The following NYNRIN variants were observed in gnomAD, a reference collection of about 807,000 sequenced individuals.
NYNRIN encodes protein NYNRIN.
A neutral mutation model predicts 146.6 loss-of-function variants in NYNRIN; 86 were observed. The observed-to-expected ratio is 0.59, with a 90% CI of 0.49 to 0.70. The LOEUF is 0.70. Among genes scored for constraint, NYNRIN ranks in the 30% least tolerant of loss-of-function variants. The pLI, the probability that NYNRIN is intolerant of heterozygous loss-of-function variation, is 0.00. For synonymous variants in NYNRIN, 1,027 were observed against 1,001.3 expected (o/e 1.03, Z -0.48); for missense variants, 2,191 against 2,377.7 (o/e 0.92, Z 1.63).
chr14:24,408,864 G>C lies in NYNRIN; in HGVS notation c.1070G>C (p.Gly357Ala). ...WKAWTPGPAF[G>A]PLWPGAIAAT... Reference sequence around the variant, plus strand: ...GCCTGGACCCCGGGGCCAGCCTTTGGGCCATTGTGGCCGGGGGCTATTGCT... The same window carrying C: ...GCCTGGACCCCGGGGCCAGCCTTTGCGCCATTGTGGCCGGGGGCTATTGCT... Residue 357 changes from glycine to alanine, a missense_variant, in exon 4 of 9, where the codon GGG (glycine) becomes GCG (alanine). This residue lies in a region of NYNRIN where 895 missense variants were observed against 941.2 expected (regional missense o/e 0.95). Coordinates refer to ENST00000382554, the MANE Select transcript of NYNRIN (RefSeq NM_025081.3). The C allele has an allele frequency of 1.2e-6, 2 of 1,614,028 alleles. No individual in the cohort carries two copies. The highest frequency in any genetic ancestry group is 2.7e-5 in the African/African-American group (2 of 75,076).
In NYNRIN at chr14:24,408,088, C is replaced by A; in HGVS notation, c.418C>A (p.Arg140=). The A allele has an allele frequency of 6.2e-7, 1 of 1,613,154 alleles. No homozygotes were observed. Among genetic ancestry groups the A allele is most frequent in the Non-Finnish European group, 8.5e-7 (1 of 1,179,730 alleles). Residue 140 remains arginine (R), a synonymous_variant, in exon 3 of 9, where the codon CGA becomes AGA. Coordinates refer to ENST00000382554, the MANE Select transcript of NYNRIN (RefSeq NM_025081.3). ...TQNWLEELVG[R]LRWGPAPLLT... ...GAACTGGCTGGAGGAGCTGGTGGGGCGACTGCGCTGGGGCCCTGCCCCTCT... is the reference window on the plus strand; with the variant it reads ...GAACTGGCTGGAGGAGCTGGTGGGGAGACTGCGCTGGGGCCCTGCCCCTCT...
At chr14:24,412,831 T>G in intron 6 of NYNRIN, 166 bp from the exon 7 acceptor site, 3 of 549,640 alleles carry the variant, frequency 5.5e-6, no homozygotes, top group Non-Finnish European at 9.8e-6. Context: ...CTCACATGGC[T>G]GCATAGAGAA....
In NYNRIN at chr14:24,399,441, C is replaced by G. The variant is rs754194594; in HGVS notation, c.195C>G (p.Ala65=). 36 of 1,609,138 alleles carry G rather than the reference C, an allele frequency of 2.2e-5. 1 individual carries two copies. The South Asian group carries it at 4.0e-4, about 18-fold the overall frequency. Residue 65 remains alanine, a synonymous_variant, in exon 2 of 9, where the codon GCC becomes GCG. Coordinates refer to ENST00000382554, the MANE Select transcript of NYNRIN (RefSeq NM_025081.3). ...LEGPRENMGK[A]KEYLKGLCSP... ...GGCCCCGAGAGAACATGGGCAAAGC[C>G]AAGGTAAACAGCTTCTCCCCACCCC...
intron 2 of NYNRIN, 130 bp downstream of exon 2, chr14:24,399,574 C>A: frequency 1.2e-6 from 1 of 802,778 alleles, no homozygotes; most frequent in Non-Finnish European, 2.0e-6. Flanking sequence ...GTGTGGCAGG[C>A]AGGTAGTGGG....
In NYNRIN at chr14:24,418,978, C is replaced by T. The variant is rs2042966717; in HGVS notation, c.*1532C>T. 1 of 152,256 alleles carries T rather than the reference C, an allele frequency of 6.6e-6. No homozygotes were observed. Among genetic ancestry groups the T allele is most frequent in the Non-Finnish European group, 1.5e-5 (1 of 68,050 alleles). 9.4% of individuals were successfully genotyped at this position (152,256 alleles called of 1,614,324 possible). ...ACCCACATTCTCTCCAACTCTTCAT[C>T]TCCCTGATCTTCCAGACAAACTACC... On this transcript the variant is annotated 3_prime_UTR_variant, in exon 9 of 9. Transcript: ENST00000382554.
intron 2 of NYNRIN, among the ~76,000 whole-genome samples, chr14:24,401,084 G>A (rs987531062): frequency 7.2e-5 from 11 of 152,226 alleles, no homozygotes; most frequent in African/African-American, 1.4e-4. Context: ...CCACTGTGCC[G>A]GGCCAGGACT....
At chr14:24,407,114 C>T (rs1331613252) in intron 2 of NYNRIN, among the ~76,000 whole-genome samples, 6 of 152,216 alleles carry the variant, frequency 3.9e-5, no homozygotes, top group South Asian at 2.1e-4. Flanking sequence ...GGATGAAGCT[C>T]GAGTCTCACA....
chr14:24,415,397 C>G lies in NYNRIN; in HGVS notation c.3648C>G (p.Leu1216=), dbSNP rs2042937935. 1 of 1,613,868 alleles carries G rather than the reference C, an allele frequency of 6.2e-7. No homozygotes were observed. The highest frequency in any genetic ancestry group is 1.7e-5 in the Admixed American group (1 of 60,010). Residue 1216 remains leucine, a synonymous_variant, in exon 9 of 9, where the codon CTC becomes CTG. Coordinates refer to ENST00000382554, the MANE Select transcript of NYNRIN (RefSeq NM_025081.3). ...GCCCCTATGCTGTGGCCTGGGCCCT[C>G]AAGCATTTTTCCCGCTGCATTGGAG... The part of the protein sequence containing the change: ...GDSPYAVAWA[L]KHFSRCIGDT...
At chr14:24,399,199 C>G (rs1594735550) in intron 1 of NYNRIN, 31 bp from the exon 2 acceptor site, 2 of 1,579,786 alleles carry the variant, frequency 1.3e-6, no homozygotes, top group South Asian at 1.1e-5. Context: ...GCCCCGAGAC[C>G]CGGGTGACAC....
At position 24,416,266 on chromosome 14, in the gene NYNRIN, C is replaced by T. The variant is rs367917534; in HGVS notation, c.4517C>T (p.Pro1506Leu). Residue 1506 changes from proline to leucine, a missense_variant, in exon 9 of 9, where the codon CCG becomes CTG. Transcript: ENST00000382554. ...QAGQKLSGSS[P>L]FSSAFNSLSL... Reference sequence around the variant, plus strand: ...GGGCAGAAACTGTCTGGCTCCTCACCGTTTAGTTCTGCCTTTAACTCACTC... The same window carrying T: ...GGGCAGAAACTGTCTGGCTCCTCACTGTTTAGTTCTGCCTTTAACTCACTC... The T allele has an allele frequency of 4.5e-5, 73 of 1,613,738 alleles. No individual in the cohort carries two copies. Among genetic ancestry groups the T allele is most frequent in the Middle Eastern group, 1.6e-4 (1 of 6,084 alleles).
chr14:24,408,123 C>T lies in NYNRIN; in HGVS notation c.453C>T (p.Pro151=). 3 of 1,610,318 alleles carry T rather than the reference C, an allele frequency of 1.9e-6. No individual in the cohort carries two copies. Among genetic ancestry groups the T allele is most frequent in the Non-Finnish European group, 2.5e-6 (3 of 1,179,030 alleles). The change falls in exon 3 of 9, where the codon CCC becomes CCT. Residue 151 remains proline (P), a synonymous_variant. Coordinates refer to ENST00000382554, the MANE Select transcript of NYNRIN (RefSeq NM_025081.3). The part of the protein sequence containing the change: ...LRWGPAPLLT[P]RGIWEAEVTR... ...GGGGCCCTGCCCCTCTGCTGACCCC[C>T]CGGGGGATCTGGGAGGCTGAGGTGA... is the stretch of plus-strand genomic sequence containing the variant.
Position 24,415,418 on chromosome 14 carries a change from T to C in NYNRIN, c.3669T>C (p.Ile1223=). Residue 1223 remains isoleucine (I), a synonymous_variant, in exon 9 of 9, where the codon ATT becomes ATC. Transcript: ENST00000382554. ...AWALKHFSRC[I]GDTPVVLDLS... ...CCCTCAAGCATTTTTCCCGCTGCAT[T>C]GGAGACACCCCGGTGGTCCTGGACC... 1 of 1,613,948 alleles carries C rather than the reference T, an allele frequency of 6.2e-7. No homozygotes were observed.
chr14:24,411,340 C>G lies in NYNRIN; in HGVS notation c.2546-14C>G. 6.2e-7 allele frequency: 1 copy of G among 1,613,690 alleles called. No homozygotes were observed. The highest frequency in any genetic ancestry group is 8.5e-7 in the Non-Finnish European group (1 of 1,179,620). ...CTCCCTTGACCATTTCTGTCTTCTGCCTTTCACCCCCAGAGAGCCACTTTC... is the reference window on the plus strand; with the variant it reads ...CTCCCTTGACCATTTCTGTCTTCTGGCTTTCACCCCCAGAGAGCCACTTTC... On this transcript the variant is annotated splice_polypyrimidine_tract_variant and intron_variant, in intron 5 of 8. Transcript: ENST00000382554. This position sits in a 1 kb window ranked among gnomAD's most constrained non-coding sequence, Gnocchi z 4.3.
chr14:24,408,114 G>C lies in NYNRIN; in HGVS notation c.444G>C (p.Leu148=), dbSNP rs759743860. The change falls in exon 3 of 9, where the codon CTG becomes CTC. Residue 148 remains leucine, a synonymous_variant. Coordinates refer to ENST00000382554, the MANE Select transcript of NYNRIN (RefSeq NM_025081.3). ...VGRLRWGPAP[L]LTPRGIWEAE... ...GACTGCGCTGGGGCCCTGCCCCTCT[G>C]CTGACCCCCCGGGGGATCTGGGAGG... is the stretch of plus-strand genomic sequence containing the variant. 3.7e-6 allele frequency: 6 copies of C among 1,611,450 alleles called. No homozygotes were observed. In the South Asian group the frequency reaches 5.5e-5, roughly 15 times the overall value.
Position 24,409,841 on chromosome 14 carries a change from G to A in NYNRIN, c.2047G>A (p.Ala683Thr). ...RVSRAPKTPA[A>T]QKVPTDAGPT... Reference sequence around the variant, plus strand: ...CTCCAGAGCTCCCAAAACACCTGCAGCTCAGAAGGTGCCCACGGATGCAGG... The same window carrying A: ...CTCCAGAGCTCCCAAAACACCTGCAACTCAGAAGGTGCCCACGGATGCAGG... The change falls in exon 4 of 9, where the codon GCT becomes ACT. Residue 683 changes from alanine (A) to threonine (T), a missense_variant. Ala to Thr is a moderately conservative substitution (Grantham distance 58, BLOSUM62 0). Around this residue, in one of 3 missense-constraint regions of NYNRIN, gnomAD observed 895 missense variants for 941.2 expected, o/e 0.95. Transcript: ENST00000382554. 1.2e-6 allele frequency: 2 copies of A among 1,613,462 alleles called. No individual in the cohort carries two copies. Among genetic ancestry groups the A allele is most frequent in the Non-Finnish European group, 1.7e-6 (2 of 1,179,668 alleles).
chr14:24,416,146 C>T lies in NYNRIN; in HGVS notation c.4397C>T (p.Thr1466Ile). Residue 1466 changes from threonine to isoleucine, a missense_variant, in exon 9 of 9, where the codon ACA becomes ATA. By Grantham distance (89) the Thr-to-Ile change is moderately conservative. Transcript: ENST00000382554. ...TTGCCAAAGGATGTGCCAGCCCCTACAGTGAGTCCCCATGCCATGGGCAAG... is the reference window on the plus strand; with the variant it reads ...TTGCCAAAGGATGTGCCAGCCCCTATAGTGAGTCCCCATGCCATGGGCAAG... ...WSLPKDVPAPTVSPHAMGKRP... is the reference protein window; with the variant it reads ...WSLPKDVPAPIVSPHAMGKRP... 3.1e-6 allele frequency: 5 copies of T among 1,614,024 alleles called. No individual in the cohort carries two copies. The highest frequency in any genetic ancestry group is 4.2e-6 in the Non-Finnish European group (5 of 1,179,890).
chr14:24,399,046 G>A lies in NYNRIN; in HGVS notation c.-58G>A. The A allele has an allele frequency of 1.9e-6, 1 of 525,044 alleles. No homozygotes were observed. The allele number at this position is 525,044 out of a possible 1,614,324, so 32.5% of individuals were successfully genotyped here. On this transcript the variant is annotated 5_prime_UTR_variant, in exon 1 of 9. Transcript: ENST00000382554. ...GCTCGTCGCGGTAGCAGCGGTCGAA[G>A]GGGACCAAGCTCCAGAGGGCGGGCG...
At chr14:24,414,184 G>A (rs1451898698) in intron 8 of NYNRIN, among the ~76,000 whole-genome samples, 2 of 152,224 alleles carry the variant, frequency 1.3e-5, no homozygotes, top group Non-Finnish European at 1.5e-5. Context: ...AAGTGATGTG[G>A]ATGAGGTTTG....
intron 2 of NYNRIN, among the ~76,000 whole-genome samples, chr14:24,405,278 AC>A (rs1417024047): frequency 1.3e-5 from 2 of 152,166 alleles, no homozygotes; most frequent in African/African-American, 4.8e-5. Flanking sequence ...AGAAAGGAGA[AC>A]CCTAAGTTAG....
Sources: allele counts gnomAD v4.1 joint callset (sites outside exome capture counted in the v4.1 genomes callset), GRCh38; gene constraint gnomAD v4.1.1; regional missense constraint gnomAD v4.1.1; non-coding constraint Gnocchi (gnomAD v3.1); transcripts MANE v1.5; gene names NCBI Gene and HGNC (gene_info 2026-07-23, HGNC 2026-07-21).